The following COL4A3 variants were observed in gnomAD, a reference collection of about 807,000 sequenced individuals.
COL4A3 encodes collagen type IV alpha 3 chain, also known as collagen alpha-3(IV) chain.
In COL4A3, 135 loss-of-function variants were observed where a neutral mutation model predicts 217.4. The observed-to-expected ratio is 0.62, with a 90% CI of 0.54 to 0.72. The LOEUF (loss-of-function observed/expected upper bound fraction) is 0.72. Ranked by LOEUF, COL4A3 falls within the 30% of genes least tolerant of loss-of-function variation. The probability of loss-of-function intolerance (pLI) is 0.00; values close to 1 mark genes in which losing one functional copy is unlikely to be tolerated. For missense variants in COL4A3, 1,868 were observed against 2,119.9 expected (o/e 0.88, Z 2.33); for synonymous variants, 690 against 736.3 (o/e 0.94, Z 1.02).
At chr2:227,217,452 GAC>G (rs1269849888) in intron 1 of COL4A3, among the ~76,000 whole-genome samples, 2 of 152,170 alleles carry the variant, frequency 1.3e-5, no homozygotes, top group Non-Finnish European at 2.9e-5. Context: ...TGTTAACAAA[GAC>G]ATATTTTAGC....
chr2:227,249,230 A>ATATATATATTTTTT, intron 9 of COL4A3, among the ~76,000 whole-genome samples: 5 of 14,690 alleles, frequency 3.4e-4, no homozygotes, highest in Middle Eastern at 0.038. Flanking sequence ...ATATATATAT[A>ATATATATATTTTTT]TTTTTTTTTT....
intron 1 of COL4A3, among the ~76,000 whole-genome samples, chr2:227,193,733 G>GGAGGGAAGA (rs1553735107): frequency 1.9e-5 from 1 of 53,702 alleles, no homozygotes; most frequent in African/African-American, 8.1e-5. Context: ...AAGAAGGAAG[G>GGAGGGAAGA]AGGGAGGGAG....
At chr2:227,272,765 A>G (rs1006678865) in intron 25 of COL4A3, among the ~76,000 whole-genome samples, 184 bp from the exon 26 acceptor site, 2 of 152,216 alleles carry the variant, frequency 1.3e-5, no homozygotes, top group African/African-American at 4.8e-5. Flanking sequence ...TAAACTCCAA[A>G]GGACACAAAA....
At chr2:227,221,854 A>G (rs1169131858) in intron 1 of COL4A3, among the ~76,000 whole-genome samples, 1 of 152,058 alleles carries the variant, frequency 6.6e-6, no homozygotes, top group African/African-American at 2.4e-5. Flanking sequence ...AGATTTGAAT[A>G]TAAATTTGAA....
chr2:227,261,205 A>G (rs1324616957), intron 20 of COL4A3, 88 bp downstream of exon 20: 2 of 1,161,318 alleles, frequency 1.7e-6, no homozygotes, highest in Non-Finnish European at 2.6e-6. Flanking sequence ...TATTTACATA[A>G]GACAAATGTT....
At chr2:227,259,903 A>G in intron 19 of COL4A3, 26 bp downstream of exon 19, 1 of 1,525,704 alleles carries the variant, frequency 6.6e-7, no homozygotes. Context: ...TTCCTAAAGC[A>G]TTTGCTGAAC....
At chr2:227,182,721 T>A (rs2065898652) in intron 1 of COL4A3, among the ~76,000 whole-genome samples, 1 of 152,214 alleles carries the variant, frequency 6.6e-6, no homozygotes, top group African/African-American at 2.4e-5. Flanking sequence ...AACAGATTTG[T>A]AATAAAGGCC....
At chr2:227,238,083 A>AGTTTT in intron 2 of COL4A3, 59 bp downstream of exon 2, 1 of 1,118,510 alleles carries the variant, frequency 8.9e-7, no homozygotes, top group Non-Finnish European at 1.4e-6. Context: ...GGTAAAACTC[A>AGTTTT]ACCTTCTTCT....
intron 1 of COL4A3, among the ~76,000 whole-genome samples, chr2:227,232,141 CCTT>C (rs1308407054): frequency 3.9e-5 from 6 of 152,294 alleles, no homozygotes; most frequent in Admixed American, 6.5e-5. Context: ...GACTTGATCT[CCTT>C]CTTTTTTGTG....
At chr2:227,287,151 C>T (rs2072376817) in intron 34 of COL4A3, among the ~76,000 whole-genome samples, 1 of 152,072 alleles carries the variant, frequency 6.6e-6, no homozygotes, top group Non-Finnish European at 1.5e-5. Context: ...AATGTAAAAA[C>T]CGCCAGGCGT....
intron 1 of COL4A3, among the ~76,000 whole-genome samples, chr2:227,203,787 G>GTA (rs924793900): frequency 1.3e-5 from 2 of 149,126 alleles, no homozygotes; most frequent in Non-Finnish European, 1.5e-5. Flanking sequence ...ATATATGTGT[G>GTA]TATATATATA....
intron 23 of COL4A3, chr2:227,268,326 A>G (rs948728046): frequency 2.6e-5 from 4 of 152,218 alleles, no homozygotes; most frequent in Admixed American, 2.0e-4. Context: ...GTAGAGACTG[A>G]ACTGAAATCT....
intron 31 of COL4A3, 60 bp downstream of exon 31, chr2:227,281,066 T>C: frequency 9.9e-7 from 1 of 1,008,612 alleles, no homozygotes; most frequent in African/African-American, 1.6e-5. Flanking sequence ...ACTCCTGCTC[T>C]GTGCTTTGCT....
intron 1 of COL4A3, among the ~76,000 whole-genome samples, chr2:227,170,095 T>C (rs976069414): frequency 7.2e-5 from 11 of 152,200 alleles, no homozygotes; most frequent in East Asian, 1.9e-4. Context: ...GCACTGAACA[T>C]ATAGGTAGGT....
chr2:227,221,954 C>A (rs1439335754), intron 1 of COL4A3, among the ~76,000 whole-genome samples: 1 of 150,980 alleles, frequency 6.6e-6, no homozygotes, highest in Non-Finnish European at 1.5e-5. Context: ...TCACTGAGCA[C>A]AGTAGATCAT....
At position 227,239,101 on chromosome 2, in the gene COL4A3, G is replaced by A. The variant is rs114605879; in HGVS notation, c.145-1042G>A. Among the ~76,000 whole-genome samples the A allele has an allele frequency of 4.2e-3, 636 of 152,142 alleles. 2 individuals are homozygous for A. Among genetic ancestry groups the A allele is most frequent in the South Asian group, 7.7e-3 (37 of 4,814 alleles). On this transcript the variant is annotated intron_variant, in intron 2 of 51. Transcript: ENST00000396578. ...ATTGACCCAATTAACCAAATCAGCCGGTGGCCTTTACTGTTGAAGAGTACA... is the reference window on the plus strand; with the variant it reads ...ATTGACCCAATTAACCAAATCAGCCAGTGGCCTTTACTGTTGAAGAGTACA...
rs1452368569 is a variant in COL4A3, at chr2:227,249,051, A to G, written c.546+531A>G. 2.7e-5 allele frequency among the ~76,000 whole-genome samples: 4 copies of G among 150,542 alleles called. No homozygotes were observed. In the South Asian group the frequency reaches 8.5e-4, roughly 32 times the overall value. ...GTTGAAGTGTTTGCTTTTCTGATTT[A>G]TATGTACGTAGCCTGAGTATGATCC... On this transcript the variant is annotated intron_variant, in intron 9 of 51. Transcript: ENST00000396578.
intron 19 of COL4A3, 63 bp downstream of exon 19, chr2:227,259,940 T>G (rs758986396): frequency 8.6e-7 from 1 of 1,159,860 alleles, no homozygotes; most frequent in Non-Finnish European, 1.3e-6. Context: ...TTCAAGGTAA[T>G]AAATAGCATG....
intron 1 of COL4A3, among the ~76,000 whole-genome samples, chr2:227,205,710 A>AT (rs398105402): frequency 0.022 from 3,268 of 149,602 alleles, 65 homozygotes; most frequent in African/African-American, 0.053. Context: ...TTCAACAAAT[A>AT]TTTTTTTTTT....
Sources: allele counts gnomAD v4.1 joint callset (sites outside exome capture counted in the v4.1 genomes callset), GRCh38; gene constraint gnomAD v4.1.1; transcripts MANE v1.5; gene names NCBI Gene and HGNC (gene_info 2026-07-23, HGNC 2026-07-21).